CACNA1E: variants seen among roughly 807,000 people sequenced by gnomAD.
The protein encoded by CACNA1E is calcium voltage-gated channel subunit alpha1 E, also known as voltage-dependent R-type calcium channel subunit alpha-1E.
CACNA1E carries 40 observed loss-of-function variants against 259.2 expected under a neutral mutation model. The observed-to-expected ratio is 0.15, with a 90% CI of 0.12 to 0.20. The LOEUF (loss-of-function observed/expected upper bound fraction) is 0.20. Among genes scored for constraint, CACNA1E ranks in the 10% least tolerant of loss-of-function variants. The pLI is 1.00. For synonymous variants in CACNA1E, 1,104 were observed against 1,138.5 expected (o/e 0.97, Z 0.61); for missense variants, 1,874 against 3,040.1 (o/e 0.62, Z 9.02).
intron 2 of CACNA1E, among the ~76,000 whole-genome samples, chr1:181,460,403 C>T (rs1197555186): frequency 6.6e-6 from 1 of 152,128 alleles, no homozygotes; most frequent in Non-Finnish European, 1.5e-5. Flanking sequence ...TAAGACAAGG[C>T]TGTACTGAGA....
intron 7 of CACNA1E, among the ~76,000 whole-genome samples, chr1:181,700,412 G>A (rs766224349): frequency 3.3e-5 from 5 of 152,178 alleles, no homozygotes; most frequent in South Asian, 2.1e-4. Flanking sequence ...GTGGCTGCCC[G>A]TAGTGTGTGG....
chr1:181,780,031 C>T (rs643834), intron 38 of CACNA1E, among the ~76,000 whole-genome samples: 39,936 of 152,024 alleles, frequency 0.26, 5,291 homozygotes, highest in South Asian at 0.39. Flanking sequence ...CTAGTGATCC[C>T]ACCCTCCCAG....
At chr1:181,685,209 T>G (rs574090265) in intron 7 of CACNA1E, among the ~76,000 whole-genome samples, 2 of 141,504 alleles carry the variant, frequency 1.4e-5, no homozygotes, top group Non-Finnish European at 3.1e-5. Flanking sequence ...CTTGCCTAGG[T>G]AGCACATAGC....
At chr1:181,716,175 A>G (rs1183975575) in intron 10 of CACNA1E, 46 bp downstream of exon 10, 1 of 1,223,592 alleles carries the variant, frequency 8.2e-7, no homozygotes, top group African/African-American at 1.5e-5. Context: ...ATCTCCCACG[A>G]AAAGGAAGAT....
chr1:181,694,598 T>G (rs1329696764), intron 7 of CACNA1E, among the ~76,000 whole-genome samples: 1 of 152,194 alleles, frequency 6.6e-6, no homozygotes, highest in Non-Finnish European at 1.5e-5. Context: ...CATGAGATGA[T>G]GCAGCAAGAA....
Position 181,634,073 on chromosome 1 carries a change from C to T in CACNA1E, c.952-17265C>T, listed in dbSNP as rs374586311. On this transcript the variant is annotated intron_variant, in intron 6 of 47. Coordinates refer to ENST00000367573, the MANE Select transcript of CACNA1E (RefSeq NM_001205293.3). ...TGCACCCCTTTCCATTAATGTGGAC[C>T]GATCATGCCCTTTGTTGTGGGTCAG... is the stretch of plus-strand genomic sequence containing the variant. Among the ~76,000 whole-genome samples, 23 of 152,242 alleles carry T rather than the reference C, an allele frequency of 1.5e-4. No individual in the cohort carries two copies. In the South Asian group the frequency reaches 2.9e-3, roughly 19 times the overall value.
chr1:181,341,618 C>A (rs1004850340), intron 1 of CACNA1E, among the ~76,000 whole-genome samples: 2 of 152,182 alleles, frequency 1.3e-5, no homozygotes, highest in African/African-American at 4.8e-5. Context: ...CAGAGACCAG[C>A]CCTGCATGGG....
chr1:181,606,416 T>C (rs7523997), intron 6 of CACNA1E, among the ~76,000 whole-genome samples: 4,257 of 152,164 alleles, frequency 0.028, 226 homozygotes, highest in African/African-American at 0.097. Flanking sequence ...AAACAGCAGG[T>C]CGTATGGATG....
chr1:181,547,243 G>A (rs1194901016), intron 3 of CACNA1E, among the ~76,000 whole-genome samples: 2 of 151,828 alleles, frequency 1.3e-5, no homozygotes, highest in Non-Finnish European at 2.9e-5. Flanking sequence ...CCCGACTCTG[G>A]CCACCGATGC....
chr1:181,562,540 G>A (rs1039687503), intron 3 of CACNA1E, among the ~76,000 whole-genome samples: 2 of 152,136 alleles, frequency 1.3e-5, no homozygotes, highest in African/African-American at 4.8e-5. Flanking sequence ...GCCAGGATCA[G>A]CAGTTTACAG....
At chr1:181,596,001 C>G (rs1653120635) in intron 6 of CACNA1E, among the ~76,000 whole-genome samples, 1 of 152,134 alleles carries the variant, frequency 6.6e-6, no homozygotes, top group South Asian at 2.1e-4. Context: ...CTTACGACTT[C>G]CATTTAGAGC....
chr1:181,541,078 G>A (rs115018877), intron 3 of CACNA1E, among the ~76,000 whole-genome samples: 386 of 152,232 alleles, frequency 2.5e-3, no homozygotes, highest in African/African-American at 9.0e-3. Flanking sequence ...TTGGATAAAG[G>A]ATATTTAACC....
intron 2 of CACNA1E, among the ~76,000 whole-genome samples, chr1:181,455,756 C>A (rs947838824): frequency 6.6e-6 from 1 of 152,180 alleles, no homozygotes; most frequent in South Asian, 2.1e-4. Context: ...AATTTAGACT[C>A]ATTAATGGGT....
chr1:181,798,221 C>G lies in CACNA1E; in HGVS notation c.6400-71C>G, dbSNP rs982175887. 1 of 1,290,076 alleles carries G rather than the reference C, an allele frequency of 7.8e-7. No homozygotes were observed. Among genetic ancestry groups the G allele is most frequent in the African/African-American group, 1.5e-5 (1 of 68,014 alleles). 79.9% of individuals were successfully genotyped at this position (1,290,076 alleles called of 1,614,324 possible). On this transcript the variant is annotated intron_variant, in intron 47 of 47. Transcript: ENST00000367573. The surrounding 1 kb of genome is among the most constrained non-coding windows in gnomAD (Gnocchi z 4.2). ...TGACAGAATTCAGATTCCAAGGACT[C>G]TCTTAACAGAGTTGCAAGTAGGGAT... is the stretch of plus-strand genomic sequence containing the variant.
intron 1 of CACNA1E, among the ~76,000 whole-genome samples, chr1:181,325,943 T>C (rs1650749319): frequency 1.3e-5 from 2 of 152,142 alleles, no homozygotes; most frequent in Non-Finnish European, 2.9e-5. Context: ...CCAGGCAGGC[T>C]CTTGCGGCTC....
intron 1 of CACNA1E, among the ~76,000 whole-genome samples, chr1:181,354,094 A>G (rs971832279): frequency 6.6e-6 from 1 of 151,218 alleles, no homozygotes; most frequent in African/African-American, 2.4e-5. Context: ...TAGTATTTAC[A>G]TTGAATATCT....
chr1:181,509,544 C>G (rs1479906871), intron 1 of CACNA1E, among the ~76,000 whole-genome samples: 1 of 152,164 alleles, frequency 6.6e-6, no homozygotes, highest in Non-Finnish European at 1.5e-5. Context: ...TAACAGTAAT[C>G]ACAGAATGAA....
At chr1:181,571,446 G>A (rs1350560180) in intron 3 of CACNA1E, among the ~76,000 whole-genome samples, 2 of 152,198 alleles carry the variant, frequency 1.3e-5, no homozygotes, top group Non-Finnish European at 2.9e-5. Flanking sequence ...TGGAGACTAA[G>A]AAGTGAATCC....
intron 1 of CACNA1E, among the ~76,000 whole-genome samples, chr1:181,507,313 C>T (rs1246422155): frequency 3.3e-5 from 5 of 152,212 alleles, no homozygotes; most frequent in Non-Finnish European, 7.3e-5. Context: ...AGAGCCATTC[C>T]GCTGCCTGGA....
Sources: gnomAD v4.1 joint callset for allele counts (sites outside exome capture counted in the v4.1 genomes callset) on GRCh38, gnomAD v4.1.1 for gene constraint, Gnocchi (gnomAD v3.1) non-coding constraint, MANE v1.5 for transcripts, NCBI Gene and HGNC (gene_info 2026-07-23, HGNC 2026-07-21) for gene names.